The following TRPV4 variants were observed in gnomAD, a reference collection of about 807,000 sequenced individuals.
TRPV4 encodes transient receptor potential cation channel subfamily V member 4.
TRPV4 carries 58 observed loss-of-function variants against 84.1 expected under a neutral mutation model. That is an observed-to-expected ratio of 0.69 (90% CI 0.56 to 0.86). The LOEUF (loss-of-function observed/expected upper bound fraction) is 0.86. TRPV4 is among the 40% of genes least tolerant of loss of function. The pLI, the probability that TRPV4 is intolerant of heterozygous loss-of-function variation, is 0.00. For missense variants in TRPV4, 879 were observed against 1,181.1 expected, an observed-to-expected ratio of 0.74 and a Z score of 3.75; for synonymous variants, 489 against 500.9, an observed-to-expected ratio of 0.98 and a Z score of 0.32.
Position 109,802,897 on chromosome 12 carries a change from C to T in TRPV4, c.712+94G>A, listed in dbSNP as rs934528229. ...GTCAGGTCCTGGGTACATGCTGGCA[C>T]TTAGGCCCAGATCAAAAGTCTCAGG... On this transcript the variant is annotated intron_variant, in intron 4 of 15. Coordinates refer to ENST00000261740, the MANE Select transcript of TRPV4 (RefSeq NM_021625.5). The T allele has an allele frequency of 2.9e-6, 4 of 1,379,662 alleles. No individual in the cohort carries two copies. The African/African-American group carries it at 5.7e-5, about 20-fold the overall frequency. The allele number at this position is 1,379,662 out of a possible 1,614,324, so 85.5% of individuals were successfully genotyped here. A position where few individuals can be genotyped will look rare whatever the true frequency, so the allele number is the denominator to read the frequency against.
At position 109,808,554 on chromosome 12, in the gene TRPV4, G is replaced by T. The variant is rs1172977906; in HGVS notation, c.387-86C>A. ...CTGGCCTTAGGGACCCAGAGACTGT[G>T]GTGGCGGGCAGGCAGCTGAAGCCTT... On this transcript the variant is annotated intron_variant, in intron 2 of 15. Coordinates refer to ENST00000261740, the MANE Select transcript of TRPV4 (RefSeq NM_021625.5). 10 of 1,391,076 alleles carry T rather than the reference G, an allele frequency of 7.2e-6. No individual in the cohort carries two copies. In the Admixed American group the frequency reaches 1.7e-4, roughly 24 times the overall value. The allele number at this position is 1,391,076 out of a possible 1,614,324, so 86.2% of individuals were successfully genotyped here.
rs1890543784 is a variant in TRPV4, at chr12:109,798,359, C to G, written c.1152+255G>C. On this transcript the variant is annotated intron_variant, in intron 6 of 15. Coordinates refer to ENST00000261740, the MANE Select transcript of TRPV4 (RefSeq NM_021625.5). The surrounding 1 kb of genome is among the most constrained non-coding windows in gnomAD (Gnocchi z 5.0). Reference sequence around the variant, plus strand: ...ACTCAGTTTCTTATCAGTGGCTCATCCTGGCTGGTGGGGGTGGAGTGGTGA... The same window carrying G: ...ACTCAGTTTCTTATCAGTGGCTCATGCTGGCTGGTGGGGGTGGAGTGGTGA... Among the ~76,000 whole-genome samples, 1 of 152,146 alleles carries G rather than the reference C, an allele frequency of 6.6e-6. No homozygotes were observed. Among genetic ancestry groups the G allele is most frequent in the Non-Finnish European group, 1.5e-5 (1 of 68,020 alleles).
chr12:109,832,064 A>G (rs1301764681), intron 1 of TRPV4, among the ~76,000 whole-genome samples: 1 of 152,236 alleles, frequency 6.6e-6, no homozygotes, highest in Non-Finnish European at 1.5e-5. Flanking sequence ...GGTTCCTGGA[A>G]GGTCATCGGT....
At chr12:109,832,910 A>T (rs1320575263) in intron 1 of TRPV4, among the ~76,000 whole-genome samples, 2 of 131,236 alleles carry the variant, frequency 1.5e-5, no homozygotes, top group Admixed American at 1.6e-4. Context: ...TCCGGGACTC[A>T]GTAACCAAGA....
In TRPV4 at chr12:109,794,086, G is replaced by C. The variant is rs538456051; in HGVS notation, c.1492-64C>G. The stretch of plus-strand genomic sequence containing the variant: ...CCTCCAACATCTGGCCCCCAATCCA[G>C]ATGTTCCCCCAGGCCCGAAACATCG... On this transcript the variant is annotated intron_variant, in intron 8 of 15. Coordinates refer to ENST00000261740, the MANE Select transcript of TRPV4 (RefSeq NM_021625.5). The C allele has an allele frequency of 1.2e-4, 167 of 1,396,924 alleles. No homozygotes were observed. In the East Asian group the frequency reaches 2.9e-3, roughly 24 times the overall value. 86.5% of individuals were successfully genotyped at this position (1,396,924 alleles called of 1,614,324 possible).
At chr12:109,784,267 G>C in intron 15 of TRPV4, 49 bp downstream of exon 15, 1 of 1,613,542 alleles carries the variant, frequency 6.2e-7, no homozygotes, top group Non-Finnish European at 8.5e-7. Flanking sequence ...AAGCAAATTC[G>C]TGATGAGAAT....
intron 3 of TRPV4, 130 bp from the exon 4 acceptor site, chr12:109,803,273 T>G: frequency 8.7e-7 from 1 of 1,144,824 alleles, no homozygotes; most frequent in Non-Finnish European, 1.3e-6. Context: ...CCAAGCCTGT[T>G]TCCTCATCTG....
rs1384898355 is a variant in TRPV4 at position 109,794,378 on chromosome 12, G to C, written c.1442C>G (p.Ala481Gly). The change falls in exon 8 of 16, where the codon GCC becomes GGC. Residue 481 changes from alanine to glycine, a missense_variant. Coordinates refer to ENST00000261740, the MANE Select transcript of TRPV4 (RefSeq NM_021625.5). ...GGCGGTGAGAGTGAAGATGACCATG[G>C]CACACAGGTAGGAGACCACGTTGAT... Reference protein sequence around the residue: ...FYINVVSYLCAMVIFTLTAYY... With the variant: ...FYINVVSYLCGMVIFTLTAYY... The C allele has an allele frequency of 6.2e-7, 1 of 1,613,662 alleles. No individual in the cohort carries two copies. Among genetic ancestry groups the C allele is most frequent in the East Asian group, 2.2e-5 (1 of 44,874 alleles).
intron 1 of TRPV4, among the ~76,000 whole-genome samples, chr12:109,820,072 T>G (rs1232312739): frequency 6.6e-6 from 1 of 152,182 alleles, no homozygotes; most frequent in East Asian, 1.9e-4. Context: ...ACACATTTAT[T>G]GAGCACCTAC....
At chr12:109,800,131 T>C (rs1890680611) in intron 5 of TRPV4, among the ~76,000 whole-genome samples, 1 of 151,954 alleles carries the variant, frequency 6.6e-6, no homozygotes, top group South Asian at 2.1e-4. Flanking sequence ...TTTGTAGAGA[T>C]GGGTTTCACC....
At chr12:109,800,829 G>T in intron 4 of TRPV4, 71 bp from the exon 5 acceptor site, 1 of 1,294,696 alleles carries the variant, frequency 7.7e-7, no homozygotes, top group Non-Finnish European at 1.1e-6. Context: ...GGGGGTGGGG[G>T]TAGGGTGCAG....
intron 3 of TRPV4, among the ~76,000 whole-genome samples, chr12:109,803,993 GTGC>G: frequency 6.6e-6 from 1 of 152,114 alleles, no homozygotes; most frequent in Non-Finnish European, 1.5e-5. Context: ...GAGTGGAGGG[GTGC>G]AGCGTTCCCC....
chr12:109,817,097 G>T (rs889487874), intron 1 of TRPV4, among the ~76,000 whole-genome samples: 1 of 152,150 alleles, frequency 6.6e-6, no homozygotes, highest in African/African-American at 2.4e-5. Context: ...AAGTCCTTTC[G>T]ACTGGCCAGA....
chr12:109,796,511 C>A lies in TRPV4; in HGVS notation c.1332+14G>T, dbSNP rs1407651258. 2 of 1,614,004 alleles carry A rather than the reference C, an allele frequency of 1.2e-6. No homozygotes were observed. Among genetic ancestry groups the A allele is most frequent in the South Asian group, 1.1e-5 (1 of 91,058 alleles). ...CCTCCTTCCTCACACCCCATGCCCC[C>A]TCCTGGAGCCCACCTCAATCTTGCT... On this transcript the variant is annotated intron_variant, in intron 7 of 15. Coordinates refer to ENST00000261740, the MANE Select transcript of TRPV4 (RefSeq NM_021625.5). This position sits in a 1 kb window ranked among gnomAD's most constrained non-coding sequence, Gnocchi z 4.2.
chr12:109,792,550 G>A, intron 11 of TRPV4, 102 bp downstream of exon 11: 1 of 1,578,982 alleles, frequency 6.3e-7, no homozygotes, highest in Non-Finnish European at 8.7e-7. Context: ...TGCCCCCACG[G>A]TACCCAGCAT....
At chr12:109,812,938 G>T (rs1164456516) in intron 2 of TRPV4, among the ~76,000 whole-genome samples, 2 of 152,248 alleles carry the variant, frequency 1.3e-5, no homozygotes, top group East Asian at 3.9e-4. Flanking sequence ...GGACAAAAAA[G>T]TGTAAAGATG....
Position 109,808,335 on chromosome 12 carries a change from G to A in TRPV4, c.520C>T (p.Leu174=). The change falls in exon 3 of 16, where the codon CTG becomes TTG. Residue 174 remains leucine (L), a synonymous_variant. Coordinates refer to ENST00000261740, the MANE Select transcript of TRPV4 (RefSeq NM_021625.5). The part of the protein sequence containing the change: ...ADLDGLLPFL[L]THKKRLTDEE... ...TCAGTTAGGCGTTTCTTGTGGGTCA[G>A]CAAGAATGGGAGCAGCCCGTCCAGG... 1.2e-6 allele frequency: 2 copies of A among 1,614,218 alleles called. No individual in the cohort carries two copies. The highest frequency in any genetic ancestry group is 1.6e-4 in the Middle Eastern group (1 of 6,062).
chr12:109,813,731 G>A (rs76663802), intron 2 of TRPV4, among the ~76,000 whole-genome samples: 5,623 of 152,056 alleles, frequency 0.037, 333 homozygotes, highest in African/African-American at 0.13. Flanking sequence ...TAGATGGATG[G>A]ATGGATGATG....
intron 5 of TRPV4, among the ~76,000 whole-genome samples, chr12:109,800,266 G>A (rs1890687923): frequency 6.6e-6 from 1 of 152,126 alleles, no homozygotes; most frequent in African/African-American, 2.4e-5. Context: ...GTTTAAAAGA[G>A]ACAGGGTATT....
Sources: gnomAD v4.1 joint callset for allele counts (sites outside exome capture counted in the v4.1 genomes callset) on GRCh38, gnomAD v4.1.1 for gene constraint, Gnocchi (gnomAD v3.1) non-coding constraint, MANE v1.5 for transcripts, NCBI Gene and HGNC (gene_info 2026-07-23, HGNC 2026-07-21) for gene names.